TAB1: variants seen among roughly 807,000 people sequenced by gnomAD.
TAB1 encodes the protein TGF-beta activated kinase 1 (MAP3K7) binding protein 1.
Under a neutral mutation model 54.5 loss-of-function variants are expected in TAB1, and 30 were observed. The ratio of observed to expected loss-of-function variants is 0.55; its 90% confidence interval spans 0.41 to 0.75. TAB1 has a LOEUF of 0.75. Ranked by LOEUF, TAB1 falls within the 30% of genes least tolerant of loss-of-function variation. The pLI, the probability that TAB1 is intolerant of heterozygous loss-of-function variation, is 0.00. For missense variants in TAB1, 609 were observed against 683.2 expected (o/e 0.89, Z 1.21); for synonymous variants, 289 against 286.9 (o/e 1.01, Z -0.07).
intron 6 of TAB1, among the ~76,000 whole-genome samples, chr22:39,419,293 G>A (rs1926969027): frequency 6.6e-6 from 1 of 152,220 alleles, no homozygotes; most frequent in African/African-American, 2.4e-5. Context: ...TCCGTGCCAG[G>A]TGGTGCCTGG....
At chr22:39,425,943 C>T (rs893965251) in intron 8 of TAB1, among the ~76,000 whole-genome samples, 2 of 151,442 alleles carry the variant, frequency 1.3e-5, no homozygotes, top group African/African-American at 2.4e-5. Flanking sequence ...CTGCAACCTC[C>T]GTCTCCTGGG....
At chr22:39,413,076 G>A (rs961664972) in intron 1 of TAB1, among the ~76,000 whole-genome samples, 9 of 151,674 alleles carry the variant, frequency 5.9e-5, no homozygotes, top group African/African-American at 1.9e-4. Context: ...CACCACACCC[G>A]GCTAGTTTTT....
chr22:39,408,845 C>T (rs1926489839), intron 1 of TAB1, among the ~76,000 whole-genome samples: 1 of 152,188 alleles, frequency 6.6e-6, no homozygotes, highest in Non-Finnish European at 1.5e-5. Flanking sequence ...GGAACAGACC[C>T]ATAAGTTGCT....
Position 39,411,531 on chromosome 22 carries a change from G to A in TAB1, c.34-3475G>A, listed in dbSNP as rs146399813. On this transcript the variant is annotated intron_variant, in intron 1 of 10. Coordinates refer to ENST00000216160, the MANE Select transcript of TAB1 (RefSeq NM_006116.3). ...GTTAGGAAGTGCAGATTAAAGTCAC[G>A]ATGAGCTACCACTACCCACCTCTTA... is the stretch of plus-strand genomic sequence containing the variant. 8.3e-3 allele frequency among the ~76,000 whole-genome samples: 1,269 copies of A among 152,290 alleles called. 16 individuals carry two copies. Among genetic ancestry groups the A allele is most frequent in the South Asian group, 0.029 (142 of 4,822 alleles).
chr22:39,423,631 A>G lies in TAB1; in HGVS notation c.921+1660A>G, dbSNP rs557270417. ...ATCAATCAATCAATATCATGAGGAAAAAGTCTTCTTTAAAATTTGAAAATT... is the reference window on the plus strand; with the variant it reads ...ATCAATCAATCAATATCATGAGGAAGAAGTCTTCTTTAAAATTTGAAAATT... On this transcript the variant is annotated intron_variant, in intron 8 of 10. Coordinates refer to ENST00000216160, the MANE Select transcript of TAB1 (RefSeq NM_006116.3). Among the ~76,000 whole-genome samples, 4 of 152,296 alleles carry G rather than the reference A, an allele frequency of 2.6e-5. No homozygotes were observed. In the East Asian group the frequency reaches 7.7e-4, roughly 29 times the overall value.
At chr22:39,425,787 C>A (rs927872939) in intron 8 of TAB1, among the ~76,000 whole-genome samples, 1 of 151,588 alleles carries the variant, frequency 6.6e-6, no homozygotes, top group Non-Finnish European at 1.5e-5. Flanking sequence ...ACCTCATGAT[C>A]GGCCTGCCTC....
In TAB1 at chr22:39,419,511, C is replaced by A; in HGVS notation, c.665-8C>A. On this transcript the variant is annotated splice_polypyrimidine_tract_variant and splice_region_variant and intron_variant, in intron 6 of 10. Coordinates refer to ENST00000216160, the MANE Select transcript of TAB1 (RefSeq NM_006116.3). Reference sequence around the variant, plus strand: ...GAAGCAGGATTGTTGCACTGTTTCCCTCCGTAGGCTTGGATGCTGGAAAGA... The same window carrying A: ...GAAGCAGGATTGTTGCACTGTTTCCATCCGTAGGCTTGGATGCTGGAAAGA... The A allele has an allele frequency of 6.3e-7, 1 of 1,596,024 alleles. No homozygotes were observed. Among genetic ancestry groups the A allele is most frequent in the Non-Finnish European group, 8.6e-7 (1 of 1,167,586 alleles).
chr22:39,415,410 G>A lies in TAB1; in HGVS notation c.171-90G>A, dbSNP rs1251315575. The A allele has an allele frequency of 1.0e-5, 15 of 1,489,098 alleles. No homozygotes were observed. Among genetic ancestry groups the A allele is most frequent in the African/African-American group, 5.5e-5 (4 of 72,106 alleles). 92.2% of individuals were successfully genotyped at this position (1,489,098 alleles called of 1,614,324 possible). On this transcript the variant is annotated intron_variant, in intron 2 of 10. Coordinates refer to ENST00000216160, the MANE Select transcript of TAB1 (RefSeq NM_006116.3). The surrounding 1 kb of genome is among the most constrained non-coding windows in gnomAD (Gnocchi z 4.9). ...GGCCCCTGAAGCTGCAGCTGCTGTCGCTTTAGTCTCCCCCAATTCCTTTCC... is the reference window on the plus strand; with the variant it reads ...GGCCCCTGAAGCTGCAGCTGCTGTCACTTTAGTCTCCCCCAATTCCTTTCC...
chr22:39,400,809 G>T (rs1450491753), intron 1 of TAB1, among the ~76,000 whole-genome samples: 1 of 152,164 alleles, frequency 6.6e-6, no homozygotes, highest in Non-Finnish European at 1.5e-5. Context: ...GCTGAGGCGG[G>T]TGGATCACGA....
chr22:39,405,959 G>C (rs766309439), intron 1 of TAB1, among the ~76,000 whole-genome samples: 5 of 152,192 alleles, frequency 3.3e-5, no homozygotes, highest in Non-Finnish European at 5.9e-5. Flanking sequence ...TGTGTCATTG[G>C]ATCTAAGACA....
At chr22:39,420,434 C>G (rs189409885) in intron 7 of TAB1, among the ~76,000 whole-genome samples, 14 of 152,274 alleles carry the variant, frequency 9.2e-5, no homozygotes, top group Non-Finnish European at 1.9e-4. Flanking sequence ...TTGCCTGATG[C>G]CAATCATGGC....
rs1253345159 is a variant in TAB1 at position 39,416,776 on chromosome 22, C to G, written c.325-15C>G. The G allele has an allele frequency of 6.2e-7, 1 of 1,613,712 alleles. No homozygotes were observed. Among genetic ancestry groups the G allele is most frequent in the Non-Finnish European group, 8.5e-7 (1 of 1,179,564 alleles). ...TGTTTTGAACCAGCCTTTGCCCTGTCCTGTGTCCCCCTAGGCCTTCGATGT... is the reference window on the plus strand; with the variant it reads ...TGTTTTGAACCAGCCTTTGCCCTGTGCTGTGTCCCCCTAGGCCTTCGATGT... On this transcript the variant is annotated splice_polypyrimidine_tract_variant and intron_variant, in intron 3 of 10. Coordinates refer to ENST00000216160, the MANE Select transcript of TAB1 (RefSeq NM_006116.3).
At chr22:39,436,569 T>C (rs1927793878), downstream of TAB1, 1 of 1,612,394 alleles carries the variant, frequency 6.2e-7, no homozygotes, top group African/African-American at 1.3e-5. Context: ...GACCCCAGGG[T>C]AGGAAGGAAG....
downstream of TAB1, chr22:39,433,474 A>C (rs544818265): frequency 1.1e-5 from 11 of 983,340 alleles, no homozygotes; most frequent in South Asian, 4.7e-4. Context: ...AAAAGACATC[A>C]GTCTCTCCCA....
In TAB1 at chr22:39,415,047, CCT is replaced by C; in HGVS notation, c.80_81del (p.Ser27TrpfsTer13). On this transcript the variant is annotated frameshift_variant, in exon 2 of 11. Transcript: ENST00000216160. LOFTEE classifies it high-confidence loss of function. This position sits in a 1 kb window ranked among gnomAD's most constrained non-coding sequence, Gnocchi z 4.9. ...GGACAGATGACCTGCCTCTCTGCCA[CCT>C]CTCTGGGGTTGGCTCAGCCTCCAAC... is the stretch of plus-strand genomic sequence containing the variant. ...SWTDDLPLCHLSGVGSASNRS... is the reference protein window; with the variant it reads ...SWTDDLPLCHXSGVGSASNRS... The C allele has an allele frequency of 6.2e-7, 1 of 1,614,132 alleles. No individual in the cohort carries two copies. Among genetic ancestry groups the C allele is most frequent in the Non-Finnish European group, 8.5e-7 (1 of 1,179,988 alleles).
intron 10 of TAB1, chr22:39,429,065 G>A (rs1927474349): frequency 1.5e-5 from 15 of 985,464 alleles, no homozygotes; most frequent in Non-Finnish European, 1.7e-5. Context: ...TGTGAGCGCT[G>A]TGGCCCTAGA....
At chr22:39,420,709 G>T (rs1927032376) in intron 7 of TAB1, among the ~76,000 whole-genome samples, 1 of 151,984 alleles carries the variant, frequency 6.6e-6, no homozygotes, top group South Asian at 2.1e-4. Context: ...CTCCCCAGAG[G>T]CTGCTAGTTT....
rs1297147145 is a variant in TAB1 at position 39,399,799 on chromosome 22, C to T, written c.-4C>T. The T allele has an allele frequency of 6.3e-7, 1 of 1,593,212 alleles. No homozygotes were observed. The highest frequency in any genetic ancestry group is 2.3e-5 in the East Asian group (1 of 43,984). The stretch of plus-strand genomic sequence containing the variant: ...GCGGGCGCTCCCGCAGGGGTTCCTC[C>T]AAGATGGCGGCGCAGAGGAGGAGCT... On this transcript the variant is annotated 5_prime_UTR_variant, in exon 1 of 11. Coordinates refer to ENST00000216160, the MANE Select transcript of TAB1 (RefSeq NM_006116.3).
chr22:39,434,367 G>C (rs145587004), downstream of TAB1, among the ~76,000 whole-genome samples: 578 of 152,374 alleles, frequency 3.8e-3, 3 homozygotes, highest in Non-Finnish European at 6.8e-3. Flanking sequence ...CTTGGGCAGC[G>C]GGCGTGGTTC....
Sources: allele counts gnomAD v4.1 joint callset (sites outside exome capture counted in the v4.1 genomes callset), GRCh38; gene constraint gnomAD v4.1.1; non-coding constraint Gnocchi (gnomAD v3.1); transcripts MANE v1.5; gene names NCBI Gene and HGNC (gene_info 2026-07-23, HGNC 2026-07-21).